The following TENM3 variants were observed in gnomAD, a reference collection of about 807,000 sequenced individuals.
TENM3 encodes the protein teneurin transmembrane protein 3, also known as teneurin-3.
A neutral mutation model predicts 255.1 loss-of-function variants in TENM3; 63 were observed. The ratio of observed to expected loss-of-function variants is 0.25; its 90% CI spans 0.20 to 0.30. TENM3 has a LOEUF of 0.30. TENM3 is among the 10% of genes least tolerant of loss of function. The pLI is 1.00. For missense variants in TENM3, 2,929 were observed against 3,461.1 expected (o/e 0.85, Z 3.86); for synonymous variants, 1,306 against 1,322.3 (o/e 0.99, Z 0.27).
the TENM3 span, among the ~76,000 whole-genome samples, chr4:181,740,296 T>C: frequency 6.6e-6 from 1 of 152,196 alleles, no homozygotes. Flanking sequence ...ATTTTTGATA[T>C]CTTAACAATT....
chr4:181,598,592 AG>A, the TENM3 span, among the ~76,000 whole-genome samples: 1 of 152,172 alleles, frequency 6.6e-6, no homozygotes, highest in South Asian at 2.1e-4. Context: ...TCTGAAACTG[AG>A]GCAAAGAATT....
chr4:182,221,732 T>G (rs189715985), intron 1 of TENM3, among the ~76,000 whole-genome samples: 1 of 152,338 alleles, frequency 6.6e-6, no homozygotes, highest in Admixed American at 6.5e-5. Flanking sequence ...ATCTGAAATT[T>G]TAAATCCTTT....
At chr4:181,813,825 G>A in the TENM3 span, among the ~76,000 whole-genome samples, 3 of 152,118 alleles carry the variant, frequency 2.0e-5, no homozygotes, top group Admixed American at 1.3e-4. Context: ...GAAGTAGTCA[G>A]CATCTTGTTT....
the TENM3 span, among the ~76,000 whole-genome samples, chr4:181,837,757 CTG>C: frequency 1.3e-5 from 2 of 152,180 alleles, no homozygotes; most frequent in African/African-American, 2.4e-5. Context: ...CATAACACTT[CTG>C]CCCACAGCTG....
intron 11 of TENM3, among the ~76,000 whole-genome samples, chr4:182,686,701 T>G (rs1021466645): frequency 2.0e-5 from 3 of 152,160 alleles, no homozygotes; most frequent in African/African-American, 7.2e-5. Context: ...TCAATTAAAT[T>G]AACTCTAATT....
At chr4:182,364,395 C>T (rs117188010) in intron 3 of TENM3, among the ~76,000 whole-genome samples, 1 of 152,000 alleles carries the variant, frequency 6.6e-6, no homozygotes, top group Non-Finnish European at 1.5e-5. Context: ...ATTGCAACTT[C>T]AGTTGTTTTT....
intron 1 of TENM3, among the ~76,000 whole-genome samples, chr4:182,203,433 T>C (rs1395041865): frequency 3.9e-5 from 6 of 152,092 alleles, no homozygotes; most frequent in African/African-American, 1.4e-4. Context: ...GTGGTAGAAG[T>C]TGATTTCTCA....
chr4:182,289,042 C>T (rs1225872068), intron 1 of TENM3, among the ~76,000 whole-genome samples: 1 of 151,698 alleles, frequency 6.6e-6, no homozygotes, highest in East Asian at 1.9e-4. Flanking sequence ...CTGGGCAACA[C>T]AGCAAGACCC....
At chr4:181,727,067 C>T in the TENM3 span, among the ~76,000 whole-genome samples, 1 of 152,190 alleles carries the variant, frequency 6.6e-6, no homozygotes, top group Non-Finnish European at 1.5e-5. Flanking sequence ...AGAAGTTCTC[C>T]AACTCCATGC....
the TENM3 span, among the ~76,000 whole-genome samples, chr4:181,610,250 C>T: frequency 6.6e-6 from 1 of 151,834 alleles, no homozygotes; most frequent in Admixed American, 6.6e-5. Context: ...GGGCACAATC[C>T]TCATTTTGGG....
At chr4:181,757,310 T>C in the TENM3 span, among the ~76,000 whole-genome samples, 1 of 152,190 alleles carries the variant, frequency 6.6e-6, no homozygotes, top group African/African-American at 2.4e-5. Context: ...ATGGGAATTC[T>C]CCCACTGAGT....
At chr4:181,463,993 T>C in the TENM3 span, among the ~76,000 whole-genome samples, 28 of 152,200 alleles carry the variant, frequency 1.8e-4, no homozygotes, top group African/African-American at 6.8e-4. Context: ...TTACTCCTTT[T>C]ATTGGCAAAC....
chr4:181,541,212 A>G, the TENM3 span, among the ~76,000 whole-genome samples: 1 of 151,896 alleles, frequency 6.6e-6, no homozygotes, highest in Non-Finnish European at 1.5e-5. Context: ...TCTCTCTACA[A>G]AAAATAAAAA....
chr4:181,629,381 G>C, the TENM3 span, among the ~76,000 whole-genome samples: 3 of 152,180 alleles, frequency 2.0e-5, no homozygotes, highest in African/African-American at 7.2e-5. Context: ...GTGTTGAATA[G>C]GAGTGGTGAG....
At chr4:182,650,623 C>T (rs1753168280) in intron 5 of TENM3, among the ~76,000 whole-genome samples, 1 of 149,324 alleles carries the variant, frequency 6.7e-6, no homozygotes, top group Non-Finnish European at 1.5e-5. Flanking sequence ...TCTCTCTCTC[C>T]TCTCTCTAAC....
chr4:182,345,455 A>G (rs2150658897), intron 2 of TENM3, among the ~76,000 whole-genome samples: 1 of 152,368 alleles, frequency 6.6e-6, no homozygotes, highest in South Asian at 2.1e-4. Flanking sequence ...TATGAGTAAT[A>G]TAAATGCTTA....
At chr4:181,632,347 C>A in the TENM3 span, among the ~76,000 whole-genome samples, 4 of 152,218 alleles carry the variant, frequency 2.6e-5, no homozygotes, top group South Asian at 8.3e-4. Context: ...CAGGTCCCTC[C>A]CCTGACATTG....
chr4:182,737,333 G>A (rs1018607576), intron 17 of TENM3, among the ~76,000 whole-genome samples: 5 of 152,132 alleles, frequency 3.3e-5, no homozygotes, highest in Admixed American at 6.6e-5. Flanking sequence ...GTTTCAGCTT[G>A]TCACATCCTT....
chr4:182,730,136 A>T lies in TENM3; in HGVS notation c.2586-64A>T, dbSNP rs6823669. The T allele has an allele frequency of 3.3e-5, 53 of 1,599,114 alleles. No individual in the cohort carries two copies. In the East Asian group the frequency reaches 3.6e-4, roughly 11 times the overall value. On this transcript the variant is annotated intron_variant, in intron 14 of 27. Transcript: ENST00000511685. The stretch of plus-strand genomic sequence containing the variant: ...TTTATCCTTAGGTTGAATTATCTAT[A>T]AATCATGATAATGTTGGCCTGAAAA...
Sources: gnomAD v4.1 joint callset for allele counts (sites outside exome capture counted in the v4.1 genomes callset) on GRCh38, gnomAD v4.1.1 for gene constraint, MANE v1.5 for transcripts, NCBI Gene and HGNC (gene_info 2026-07-23, HGNC 2026-07-21) for gene names.